RAB11FIP4: variants seen among roughly 807,000 people sequenced by gnomAD.
The protein encoded by RAB11FIP4 is RAB11 family interacting protein 4, also known as rab11 family-interacting protein 4.
A neutral mutation model predicts 74.3 loss-of-function variants in RAB11FIP4; 23 were observed. The ratio of observed to expected loss-of-function variants is 0.31; its 90% CI spans 0.22 to 0.44. The LOEUF (loss-of-function observed/expected upper bound fraction) is 0.44, where lower values mean the gene tolerates loss of function less well. RAB11FIP4 is among the 20% of genes least tolerant of loss of function. The pLI is 1.00. For synonymous variants in RAB11FIP4, 360 were observed against 359.9 expected (o/e 1.00, Z 0.00); for missense variants, 630 against 863.9 (o/e 0.73, Z 3.39).
At chr17:31,486,157 C>G (rs1415879946) in intron 3 of RAB11FIP4, among the ~76,000 whole-genome samples, 1 of 151,998 alleles carries the variant, frequency 6.6e-6, no homozygotes, top group Non-Finnish European at 1.5e-5. Context: ...TCGCTTGAAC[C>G]CAGGAGGCGG....
chr17:31,417,233 A>G (rs1399906961), intron 1 of RAB11FIP4, among the ~76,000 whole-genome samples: 1 of 152,106 alleles, frequency 6.6e-6, no homozygotes, highest in Non-Finnish European at 1.5e-5. Flanking sequence ...TAAGGCCTCC[A>G]GAGTGGCCAC....
At chr17:31,510,361 C>G (rs904553088) in intron 3 of RAB11FIP4, among the ~76,000 whole-genome samples, 5 of 152,390 alleles carry the variant, frequency 3.3e-5, no homozygotes, top group Admixed American at 3.3e-4. Flanking sequence ...TCCACCCCCA[C>G]CGCACACATG....
At chr17:31,436,232 C>T (rs1020936825) in intron 3 of RAB11FIP4, among the ~76,000 whole-genome samples, 1 of 152,216 alleles carries the variant, frequency 6.6e-6, no homozygotes, top group Non-Finnish European at 1.5e-5. Context: ...CTGTGCCAAT[C>T]TGGAGGGTCT....
chr17:31,428,075 AC>A (rs1785810117), intron 1 of RAB11FIP4, among the ~76,000 whole-genome samples: 1 of 152,084 alleles, frequency 6.6e-6, no homozygotes, highest in African/African-American at 2.4e-5. Flanking sequence ...CCCCAGACTC[AC>A]CCCAGAGTGG....
At chr17:31,481,786 G>A (rs755495881) in intron 3 of RAB11FIP4, among the ~76,000 whole-genome samples, 3 of 152,110 alleles carry the variant, frequency 2.0e-5, no homozygotes, top group Non-Finnish European at 4.4e-5. Flanking sequence ...GCTTGAATGA[G>A]TAAGAAAACC....
chr17:31,518,559 C>G (rs540705838), intron 4 of RAB11FIP4: 1 of 152,304 alleles, frequency 6.6e-6, no homozygotes, highest in East Asian at 1.9e-4. Context: ...AGTTCAGCAT[C>G]AGTATGGTGA....
At chr17:31,494,017 G>C (rs7225392) in intron 3 of RAB11FIP4, among the ~76,000 whole-genome samples, 2 of 151,950 alleles carry the variant, frequency 1.3e-5, no homozygotes, top group South Asian at 4.1e-4. Flanking sequence ...GTGCCCAACA[G>C]GTAGAATGGG....
intron 1 of RAB11FIP4, among the ~76,000 whole-genome samples, chr17:31,406,277 G>A (rs1216652401): frequency 4.6e-5 from 7 of 152,248 alleles, no homozygotes; most frequent in South Asian, 4.1e-4. Context: ...TGCTCCCAGC[G>A]CAGGCGCTCA....
At chr17:31,492,258 C>T (rs926949260) in intron 3 of RAB11FIP4, among the ~76,000 whole-genome samples, 7 of 152,190 alleles carry the variant, frequency 4.6e-5, no homozygotes, top group African/African-American at 1.2e-4. Context: ...TCCTAAGGAC[C>T]CCAGGGAGTC....
At chr17:31,404,557 C>A (rs539552904) in intron 1 of RAB11FIP4, among the ~76,000 whole-genome samples, 49 of 152,356 alleles carry the variant, frequency 3.2e-4, no homozygotes, top group Middle Eastern at 3.4e-3. Flanking sequence ...CAAAACGACA[C>A]GTGACATAGT....
At chr17:31,471,548 C>T (rs1014342586) in intron 3 of RAB11FIP4, among the ~76,000 whole-genome samples, 2 of 152,170 alleles carry the variant, frequency 1.3e-5, no homozygotes, top group African/African-American at 4.8e-5. Flanking sequence ...TCACAGATAA[C>T]AGGCTCAGCT....
At chr17:31,492,990 C>T (rs944759193) in intron 3 of RAB11FIP4, among the ~76,000 whole-genome samples, 2 of 152,094 alleles carry the variant, frequency 1.3e-5, no homozygotes, top group Admixed American at 1.3e-4. Context: ...ACCAGAAGGA[C>T]GTGCAGCCTA....
intron 1 of RAB11FIP4, among the ~76,000 whole-genome samples, chr17:31,430,576 G>C (rs1006817567): frequency 4.6e-5 from 7 of 151,800 alleles, no homozygotes; most frequent in African/African-American, 1.7e-4. Context: ...AGCCAGGATG[G>C]TCTCGATCTC....
At chr17:31,494,648 T>TA (rs140445300) in intron 3 of RAB11FIP4, among the ~76,000 whole-genome samples, 26,281 of 151,200 alleles carry the variant, frequency 0.17, 2,475 homozygotes, top group South Asian at 0.28. Context: ...TTAATTTTTT[T>TA]AAAAAAAAAG....
chr17:31,474,896 A>C (rs2071776410), intron 3 of RAB11FIP4, among the ~76,000 whole-genome samples: 1 of 151,700 alleles, frequency 6.6e-6, no homozygotes, highest in Admixed American at 6.6e-5. Context: ...AAAAAAACAG[A>C]GATTCACCTC....
chr17:31,494,773 A>G (rs1269604381), intron 3 of RAB11FIP4, among the ~76,000 whole-genome samples: 2 of 152,038 alleles, frequency 1.3e-5, no homozygotes, highest in Non-Finnish European at 2.9e-5. Flanking sequence ...CTCTGCACCC[A>G]GCCAGCTTCT....
At position 31,537,252 on chromosome 17, in the gene RAB11FIP4, C is replaced by T. The variant is rs1219253683; in HGVS notation, c.*5520C>T. On this transcript the variant is annotated 3_prime_UTR_variant, in exon 15 of 15. Coordinates refer to ENST00000621161, the MANE Select transcript of RAB11FIP4 (RefSeq NM_032932.6). ...GCCCTGTAAATGTGTACTTTTTCAA[C>T]GTGCCTCCCCCAGGTGAGGCCAGCT... The T allele has an allele frequency of 1.5e-5, 6 of 399,080 alleles. No individual in the cohort carries two copies. The highest frequency in any genetic ancestry group is 4.1e-5 in the African/African-American group (2 of 48,642). 24.7% of individuals were successfully genotyped at this position (399,080 alleles called of 1,614,324 possible).
intron 3 of RAB11FIP4, among the ~76,000 whole-genome samples, chr17:31,491,162 G>A (rs983406672): frequency 1.3e-5 from 2 of 152,230 alleles, no homozygotes; most frequent in African/African-American, 2.4e-5. Context: ...GATGTCGTAC[G>A]ATCTTTGCCC....
chr17:31,398,876 G>A (rs546366756), intron 1 of RAB11FIP4, among the ~76,000 whole-genome samples: 5 of 151,018 alleles, frequency 3.3e-5, no homozygotes, highest in Admixed American at 6.6e-5. Context: ...GAACGGGGGC[G>A]ATGGCTACAA....
Sources: allele counts gnomAD v4.1 joint callset (sites outside exome capture counted in the v4.1 genomes callset), GRCh38; gene constraint gnomAD v4.1.1; transcripts MANE v1.5; gene names NCBI Gene and HGNC (gene_info 2026-07-23, HGNC 2026-07-21).